Variants in FMO2 observed in about 807,000 individuals in gnomAD.
FMO2 encodes the protein flavin-containing monooxygenase 2.
FMO2 carries 33 observed loss-of-function variants against 41.6 expected under a neutral mutation model. The observed-to-expected ratio is 0.79, with a 90% confidence interval of 0.60 to 1.06. The LOEUF (loss-of-function observed/expected upper bound fraction) is 1.06. Ranked by LOEUF, FMO2 falls within the 50% of genes least tolerant of loss-of-function variation. The pLI, the probability that FMO2 is intolerant of heterozygous loss-of-function variation, is 0.00. For synonymous variants in FMO2, 214 were observed against 219.6 expected (o/e 0.97, Z 0.23); for missense variants, 619 against 632.9 (o/e 0.98, Z 0.23).
intron 3 of FMO2, among the ~76,000 whole-genome samples, chr1:171,194,908 T>C (rs943427589): frequency 1.2e-4 from 18 of 152,254 alleles, no homozygotes; most frequent in African/African-American, 4.3e-4. Context: ...ATAAATTCCA[T>C]TAAAATGTCC....
At chr1:171,202,858 G>T (rs1028722480) in intron 5 of FMO2, among the ~76,000 whole-genome samples, 2 of 152,142 alleles carry the variant, frequency 1.3e-5, no homozygotes, top group Non-Finnish European at 2.9e-5. Context: ...TTAAGAAGCA[G>T]TTCAAGTATG....
intron 5 of FMO2, among the ~76,000 whole-genome samples, chr1:171,200,388 A>G (rs1361231000): frequency 6.6e-6 from 1 of 152,084 alleles, no homozygotes; most frequent in Non-Finnish European, 1.5e-5. Context: ...AAATCACTAA[A>G]CATCCTTTCC....
chr1:171,197,935 G>A (rs1658368364), intron 4 of FMO2, among the ~76,000 whole-genome samples: 1 of 152,130 alleles, frequency 6.6e-6, no homozygotes, highest in Admixed American at 6.6e-5. Context: ...ACAATTGTGT[G>A]CCAGAAGAAA....
chr1:171,197,160 C>T (rs1463566702), intron 4 of FMO2, among the ~76,000 whole-genome samples: 1 of 152,142 alleles, frequency 6.6e-6, no homozygotes, highest in African/African-American at 2.4e-5. Flanking sequence ...TTTCACAGGG[C>T]CATACTCACA....
intron 5 of FMO2, among the ~76,000 whole-genome samples, chr1:171,200,313 A>C: frequency 6.6e-6 from 1 of 152,182 alleles, no homozygotes; most frequent in Middle Eastern, 3.2e-3. Flanking sequence ...TGCTGCTGAT[A>C]GTGGTGGTCA....
chr1:171,193,243 T>C (rs994549007), intron 2 of FMO2, 92 bp from the exon 3 acceptor site: 15 of 754,976 alleles, frequency 2.0e-5, no homozygotes, highest in Admixed American at 7.2e-5. Flanking sequence ...CCAAAGACAA[T>C]CGCATTACCC....
At chr1:171,203,323 T>TCACACACACACACACACACA (rs10628039) in intron 5 of FMO2, among the ~76,000 whole-genome samples, 3 of 143,958 alleles carry the variant, frequency 2.1e-5, no homozygotes, top group African/African-American at 7.9e-5. Flanking sequence ...AGACCCTGTC[T>TCACACACACACACACACACA]CACACACACA....
At chr1:171,193,753 A>G (rs1295954757) in intron 3 of FMO2, among the ~76,000 whole-genome samples, 4 of 151,216 alleles carry the variant, frequency 2.6e-5, no homozygotes, top group African/African-American at 9.8e-5. Context: ...AAAGGTTTGA[A>G]TAATAATATA....
chr1:171,207,256 G>A (rs1292267650), intron 7 of FMO2, among the ~76,000 whole-genome samples: 2 of 152,146 alleles, frequency 1.3e-5, no homozygotes, highest in Admixed American at 6.5e-5. Context: ...TCTCTCACCA[G>A]GTTTATTTCA....
Position 171,209,319 on chromosome 1 carries a change from C to A in FMO2, c.*174C>A, listed in dbSNP as rs550656602. 5.1e-6 allele frequency: 2 copies of A among 392,972 alleles called. No individual in the cohort carries two copies. Among genetic ancestry groups the A allele is most frequent in the Non-Finnish European group, 9.0e-6 (2 of 223,194 alleles). The allele number at this position is 392,972 out of a possible 1,614,324, so 24.3% of individuals were successfully genotyped here. ...AGCAGAATTAGGCATATGTACAAAACCAAAATTTTGTCATGAAATTTTGCC... is the reference window on the plus strand; with the variant it reads ...AGCAGAATTAGGCATATGTACAAAAACAAAATTTTGTCATGAAATTTTGCC... On this transcript the variant is annotated 3_prime_UTR_variant, in exon 9 of 9. Coordinates refer to ENST00000209929, the MANE Select transcript of FMO2 (RefSeq NM_001460.5).
At chr1:171,194,460 A>T (rs1658220868) in intron 3 of FMO2, among the ~76,000 whole-genome samples, 2 of 152,240 alleles carry the variant, frequency 1.3e-5, no homozygotes, top group African/African-American at 4.8e-5. Flanking sequence ...AAAATAAAAT[A>T]TAAATCACAT....
At chr1:171,197,607 C>T (rs1443563006) in intron 4 of FMO2, among the ~76,000 whole-genome samples, 1 of 152,122 alleles carries the variant, frequency 6.6e-6, no homozygotes, top group Admixed American at 6.5e-5. Context: ...ATGTCCTGTC[C>T]AAAACTCATA....
At chr1:171,197,266 C>T (rs1206636624) in intron 4 of FMO2, among the ~76,000 whole-genome samples, 2 of 152,116 alleles carry the variant, frequency 1.3e-5, no homozygotes, top group Non-Finnish European at 2.9e-5. Flanking sequence ...TTCTGGTCCA[C>T]CCAAGTCTTT....
At chr1:171,199,535 G>T in intron 5 of FMO2, 47 bp downstream of exon 5, 1 of 1,543,506 alleles carries the variant, frequency 6.5e-7, no homozygotes, top group Non-Finnish European at 8.7e-7. Flanking sequence ...AGGAAGTGGG[G>T]ATGCCATACT....
intron 6 of FMO2, among the ~76,000 whole-genome samples, chr1:171,204,875 A>T (rs941216964): frequency 1.3e-5 from 2 of 152,166 alleles, no homozygotes; most frequent in Non-Finnish European, 2.9e-5. Flanking sequence ...AAATTTAGCA[A>T]ATTTTTTCTT....
chr1:171,206,519 T>C (rs1265530400), intron 7 of FMO2, among the ~76,000 whole-genome samples: 1 of 152,186 alleles, frequency 6.6e-6, no homozygotes, highest in African/African-American at 2.4e-5. Flanking sequence ...TTGTAAGACA[T>C]GCTATGGAGC....
At chr1:171,191,757 C>T (rs1379988328) in intron 2 of FMO2, among the ~76,000 whole-genome samples, 1 of 150,582 alleles carries the variant, frequency 6.6e-6, no homozygotes, top group African/African-American at 2.5e-5. Context: ...GGCGCAGTGG[C>T]TCATACCTGT....
At chr1:171,200,615 G>T (rs1367358728) in intron 5 of FMO2, among the ~76,000 whole-genome samples, 1 of 152,172 alleles carries the variant, frequency 6.6e-6, no homozygotes, top group Non-Finnish European at 1.5e-5. Context: ...TAATGAAGGG[G>T]TTATACTGGG....
chr1:171,196,901 A>C, intron 4 of FMO2, 90 bp downstream of exon 4: 1 of 1,101,316 alleles, frequency 9.1e-7, no homozygotes, highest in East Asian at 2.4e-5. Context: ...TCATTGCTGC[A>C]ACTGGGCAGA....
Sources: gnomAD v4.1 joint callset for allele counts (sites outside exome capture counted in the v4.1 genomes callset) on GRCh38, gnomAD v4.1.1 for gene constraint, MANE v1.5 for transcripts, NCBI Gene and HGNC (gene_info 2026-07-23, HGNC 2026-07-21) for gene names.